Variants in ZC3HC1 observed in about 807,000 individuals in gnomAD.
ZC3HC1 encodes zinc finger C3HC-type containing 1, also known as zinc finger C3HC-type protein 1.
In ZC3HC1, 38 loss-of-function variants were observed where a neutral mutation model predicts 61.9. That is an observed-to-expected ratio of 0.61 (90% CI 0.47 to 0.81). ZC3HC1 has a LOEUF of 0.81. Ranked by LOEUF, ZC3HC1 falls within the 30% of genes least tolerant of loss-of-function variation. ZC3HC1 has a pLI of 0.00. For missense variants in ZC3HC1, 554 were observed against 622.7 expected, an observed-to-expected ratio of 0.89 and a Z score of 1.17; for synonymous variants, 213 against 229.9, an observed-to-expected ratio of 0.93 and a Z score of 0.67.
intron 4 of ZC3HC1, among the ~76,000 whole-genome samples, chr7:130,035,281 C>T (rs1794385996): frequency 6.6e-6 from 1 of 151,310 alleles, no homozygotes; most frequent in Non-Finnish European, 1.5e-5. Flanking sequence ...ATCCCAGGTA[C>T]TCGGGGGTGC....
At chr7:130,031,521 C>T (rs752455319) in intron 4 of ZC3HC1, among the ~76,000 whole-genome samples, 3 of 152,074 alleles carry the variant, frequency 2.0e-5, no homozygotes, top group Non-Finnish European at 4.4e-5. Context: ...TTTCCCCAGA[C>T]AGGTTTTCAA....
At chr7:130,026,348 C>A (rs1793910100) in intron 5 of ZC3HC1, 36 bp from the exon 6 acceptor site, 1 of 1,586,410 alleles carries the variant, frequency 6.3e-7, no homozygotes, top group Non-Finnish European at 8.6e-7. Flanking sequence ...TCGTTTCAAC[C>A]ACCATAAAAA....
At chr7:130,041,894 T>A (rs1174412599) in intron 2 of ZC3HC1, among the ~76,000 whole-genome samples, 1 of 152,162 alleles carries the variant, frequency 6.6e-6, no homozygotes, top group Non-Finnish European at 1.5e-5. Context: ...TGGTAAAAAC[T>A]ATTTTTAATG....
At position 130,023,006 on chromosome 7, in the gene ZC3HC1, C is replaced by G. The variant is rs901354584; in HGVS notation, c.1234-481G>C. On this transcript the variant is annotated intron_variant, in intron 8 of 9. Coordinates refer to ENST00000358303, the MANE Select transcript of ZC3HC1 (RefSeq NM_016478.5). The surrounding 1 kb of genome is among the most constrained non-coding windows in gnomAD (Gnocchi z 4.2). Reference sequence around the variant, plus strand: ...CATGATCTGTCACTGTTTCCCGTCACCCCCAGATGAGATCATCTAGTTGCA... The same window carrying G: ...CATGATCTGTCACTGTTTCCCGTCAGCCCCAGATGAGATCATCTAGTTGCA... 3 of 179,696 alleles carry G rather than the reference C, an allele frequency of 1.7e-5. No homozygotes were observed. The highest frequency in any genetic ancestry group is 7.2e-5 in the African/African-American group (3 of 41,476). 11.1% of individuals were successfully genotyped at this position (179,696 alleles called of 1,614,324 possible).
At chr7:130,031,026 T>A (rs1041728105) in intron 4 of ZC3HC1, among the ~76,000 whole-genome samples, 53 of 151,656 alleles carry the variant, frequency 3.5e-4, no homozygotes, top group Middle Eastern at 3.4e-3. Flanking sequence ...AGCTCTGTGG[T>A]AGCCTTGAAA....
intron 9 of ZC3HC1, among the ~76,000 whole-genome samples, chr7:130,019,809 GTTTT>G (rs754542017): frequency 3.1e-5 from 3 of 95,798 alleles, no homozygotes; most frequent in South Asian, 3.2e-4. Flanking sequence ...GCTTTCACAG[GTTTT>G]TTTTTTTTTT....
At position 130,030,674 on chromosome 7, in the gene ZC3HC1, CT is replaced by C. The variant is rs1272691508; in HGVS notation, c.494-1646del. On this transcript the variant is annotated intron_variant, in intron 4 of 9. Transcript: ENST00000358303. ...GTTGCTCAACAAAGTCACTCATAAT[CT>C]TTTTTTTTTTTTTTGAGACAATCTC... Among the ~76,000 whole-genome samples the C allele has an allele frequency of 3.0e-3, 424 of 140,786 alleles. 1 individual carries two copies. The highest frequency in any genetic ancestry group is 3.8e-3 in the Middle Eastern group (1 of 266). 92.4% of individuals were successfully genotyped at this position (140,786 alleles called of 152,430 possible).
At chr7:130,032,798 A>AG (rs1794273771) in intron 4 of ZC3HC1, among the ~76,000 whole-genome samples, 4 of 68,744 alleles carry the variant, frequency 5.8e-5, no homozygotes, top group Non-Finnish European at 8.7e-5. Context: ...AGGGAAGGAA[A>AG]GGAAGGGAAG....
intron 1 of ZC3HC1, among the ~76,000 whole-genome samples, chr7:130,049,989 A>C (rs2116788704): frequency 6.6e-6 from 1 of 152,310 alleles, no homozygotes. Context: ...ATGAAAAAAA[A>C]ATCAGGGAGA....
chr7:130,033,315 C>T (rs1794296801), intron 4 of ZC3HC1, among the ~76,000 whole-genome samples: 1 of 151,958 alleles, frequency 6.6e-6, no homozygotes, highest in African/African-American at 2.4e-5. Context: ...ACTACCCTGG[C>T]TGCATTTTAG....
chr7:130,023,730 G>A lies in ZC3HC1; in HGVS notation c.1021-7C>T, dbSNP rs990134432. 1.1e-5 allele frequency: 18 copies of A among 1,607,892 alleles called. No individual in the cohort carries two copies. The highest frequency in any genetic ancestry group is 1.5e-5 in the Non-Finnish European group (18 of 1,175,114). On this transcript the variant is annotated splice_region_variant and splice_polypyrimidine_tract_variant and intron_variant, in intron 7 of 9. Coordinates refer to ENST00000358303, the MANE Select transcript of ZC3HC1 (RefSeq NM_016478.5). This position sits in a 1 kb window ranked among gnomAD's most constrained non-coding sequence, Gnocchi z 4.2. ...GACCAGGGCTCTTTTCAGCCTGAAG[G>A]AAAGGGGAGATAATGGAAGTACACG...
chr7:130,041,003 G>C lies in ZC3HC1; in HGVS notation c.357C>G (p.Ser119Arg). 1 of 1,613,966 alleles carries C rather than the reference G, an allele frequency of 6.2e-7. No homozygotes were observed. Among genetic ancestry groups the C allele is most frequent in the Non-Finnish European group, 8.5e-7 (1 of 1,180,016 alleles). The change falls in exon 3 of 10, where the codon AGC becomes AGG. Residue 119 changes from serine (S) to arginine (R), a missense_variant. By Grantham distance (110) the Ser-to-Arg change is moderately radical (BLOSUM62 -1). Coordinates refer to ENST00000358303, the MANE Select transcript of ZC3HC1 (RefSeq NM_016478.5). ...AACTGGCACAGAGAAAAGCTTGACA[G>C]CTAGAGCACTTGAGCATATCACATT... is the stretch of plus-strand genomic sequence containing the variant. ...TVECDMLKCSSCQAFLCASLQ... is the reference protein window; with the variant it reads ...TVECDMLKCSRCQAFLCASLQ...
At chr7:130,034,463 C>T (rs572980540) in intron 4 of ZC3HC1, among the ~76,000 whole-genome samples, 256 of 109,016 alleles carry the variant, frequency 2.3e-3, no homozygotes, top group African/African-American at 8.5e-3. Context: ...CTAGCCTGGG[C>T]GACAGAGCGA....
At chr7:130,020,820 G>T (rs982949067) in intron 9 of ZC3HC1, among the ~76,000 whole-genome samples, 1 of 152,144 alleles carries the variant, frequency 6.6e-6, no homozygotes, top group Non-Finnish European at 1.5e-5. Context: ...TGAAGATCTA[G>T]GCAGAGAAAT....
In ZC3HC1 at chr7:130,045,503, A is replaced by G. The variant is rs150029360; in HGVS notation, c.258+3530T>C. 1.4e-3 allele frequency: 626 copies of G among 457,494 alleles called. 7 individuals carry two copies. The highest frequency in any genetic ancestry group is 0.011 in the African/African-American group (561 of 50,174). 28.3% of individuals were successfully genotyped at this position (457,494 alleles called of 1,614,324 possible). A position where few individuals can be genotyped will look rare whatever the true frequency, so the allele number is the denominator to read the frequency against. Reference sequence around the variant, plus strand: ...ACCTCTATGGTCTATAGGAGACAAAATGACAGCCCAGAGAAGAATTTGCCA... The same window carrying G: ...ACCTCTATGGTCTATAGGAGACAAAGTGACAGCCCAGAGAAGAATTTGCCA... On this transcript the variant is annotated intron_variant, in intron 2 of 9. Transcript: ENST00000358303.
At chr7:130,021,699 C>A (rs1793647806) in intron 9 of ZC3HC1, among the ~76,000 whole-genome samples, 1 of 152,226 alleles carries the variant, frequency 6.6e-6, no homozygotes, top group Admixed American at 6.5e-5. Flanking sequence ...CTGTCTGCAA[C>A]ATGAGGCCGG....
chr7:130,034,632 A>G (rs149527138), intron 4 of ZC3HC1, among the ~76,000 whole-genome samples: 290 of 152,066 alleles, frequency 1.9e-3, no homozygotes, highest in African/African-American at 6.6e-3. Flanking sequence ...GTAGCTTAGG[A>G]TGACAGGGGT....
At chr7:130,018,839 T>C (rs532036593) in intron 9 of ZC3HC1, 107 bp from the exon 10 acceptor site, 1 of 999,760 alleles carries the variant, frequency 1.0e-6, no homozygotes, top group African/African-American at 1.6e-5. Flanking sequence ...AAGTAAAAAT[T>C]CATTTTGTAG....
chr7:130,027,081 C>T (rs1793950745), intron 5 of ZC3HC1: 1 of 152,092 alleles, frequency 6.6e-6, no homozygotes, highest in African/African-American at 2.4e-5. Flanking sequence ...CCCACCTCAG[C>T]CTCCTGAGTA....
Sources: allele counts gnomAD v4.1 joint callset (sites outside exome capture counted in the v4.1 genomes callset), GRCh38; gene constraint gnomAD v4.1.1; non-coding constraint Gnocchi (gnomAD v3.1); transcripts MANE v1.5; gene names NCBI Gene and HGNC (gene_info 2026-07-23, HGNC 2026-07-21).